The following RSU1 variants were observed in gnomAD, a reference collection of about 807,000 sequenced individuals.
RSU1 encodes Ras suppressor protein 1.
Under a neutral mutation model 31.1 loss-of-function variants are expected in RSU1, and 26 were observed. The observed-to-expected ratio is 0.84, with a 90% CI of 0.61 to 1.16. RSU1 has a LOEUF of 1.16. RSU1 is among the 50% of genes most tolerant of loss of function. RSU1 has a pLI of 0.00. For synonymous variants in RSU1, 164 were observed against 136.3 expected (o/e 1.20, Z -1.41); for missense variants, 320 against 339.1 (o/e 0.94, Z 0.44).
At chr10:16,633,246 T>A (rs977316585) in intron 8 of RSU1, among the ~76,000 whole-genome samples, 1 of 152,104 alleles carries the variant, frequency 6.6e-6, no homozygotes, top group Non-Finnish European at 1.5e-5. Flanking sequence ...CTGGGAGTCA[T>A]TGCTTTAGAG....
intron 7 of RSU1, among the ~76,000 whole-genome samples, chr10:16,728,807 G>T (rs1017383897): frequency 8.5e-5 from 13 of 152,174 alleles, no homozygotes; most frequent in African/African-American, 2.9e-4. Flanking sequence ...GATGTGGTAG[G>T]TTCTGAGGAT....
At chr10:16,677,568 T>A (rs1306858920) in intron 8 of RSU1, among the ~76,000 whole-genome samples, 1 of 152,182 alleles carries the variant, frequency 6.6e-6, no homozygotes, top group Non-Finnish European at 1.5e-5. Context: ...CATGCATGTG[T>A]ACAGTGGCCT....
chr10:16,659,914 CT>C (rs1270168607), intron 8 of RSU1, among the ~76,000 whole-genome samples: 3 of 152,188 alleles, frequency 2.0e-5, no homozygotes, highest in South Asian at 2.1e-4. Flanking sequence ...TTCCAATGTT[CT>C]AGCGTTCTGA....
chr10:16,595,689 CAGA>C (rs972830728), intron 8 of RSU1, among the ~76,000 whole-genome samples: 5 of 152,186 alleles, frequency 3.3e-5, no homozygotes, highest in African/African-American at 9.6e-5. Context: ...TCTGAAGCCA[CAGA>C]AGAAGAAACA....
rs1207709930 is a variant in RSU1 at position 16,593,406 on chromosome 10, G to A, written c.822C>T (p.Ala274=). ...GCCAATCCCTTCCTTATCTGTTCTT[G>A]GCTGCCAGGGGTTTCCGGCTGATCT... The part of the protein sequence containing the change: ...SKKISRKPLA[A]KNR Residue 274 remains alanine, a synonymous_variant, in exon 9 of 9, where the codon GCC becomes GCT. Transcript: ENST00000345264. 1 of 1,614,008 alleles carries A rather than the reference G, an allele frequency of 6.2e-7. No individual in the cohort carries two copies. The highest frequency in any genetic ancestry group is 8.5e-7 in the Non-Finnish European group (1 of 1,179,994).
chr10:16,621,514 T>C (rs147516348), intron 8 of RSU1, among the ~76,000 whole-genome samples: 33 of 152,334 alleles, frequency 2.2e-4, no homozygotes, highest in Middle Eastern at 3.4e-3. Flanking sequence ...ATTAGTCTGT[T>C]CTCACACTGC....
intron 7 of RSU1, among the ~76,000 whole-genome samples, chr10:16,750,195 T>A (rs193289891): frequency 0.015 from 2,334 of 152,196 alleles, 19 homozygotes; most frequent in Non-Finnish European, 0.021. Flanking sequence ...CTTGACTTTT[T>A]AAAAAAAATC....
intron 8 of RSU1, among the ~76,000 whole-genome samples, chr10:16,672,976 C>A (rs538180962): frequency 6.6e-6 from 1 of 152,338 alleles, no homozygotes; most frequent in East Asian, 1.9e-4. Context: ...GGCTTGAACC[C>A]AGGCAGCCTG....
chr10:16,707,181 T>G (rs1020437340), intron 7 of RSU1, among the ~76,000 whole-genome samples: 1 of 152,256 alleles, frequency 6.6e-6, no homozygotes, highest in Non-Finnish European at 1.5e-5. Context: ...TCTTAGTTAT[T>G]GTAAACAGTG....
intron 8 of RSU1, among the ~76,000 whole-genome samples, chr10:16,644,457 C>A (rs538129734): frequency 6.6e-6 from 1 of 152,300 alleles, no homozygotes; most frequent in African/African-American, 2.4e-5. Context: ...TTTTTCTGCA[C>A]TATCTTATTA....
intron 7 of RSU1, among the ~76,000 whole-genome samples, chr10:16,737,152 TG>T (rs1345969209): frequency 1.3e-5 from 2 of 150,490 alleles, no homozygotes; most frequent in East Asian, 3.9e-4. Flanking sequence ...GAGAGAGAGA[TG>T]GGAAATCAAT....
intron 8 of RSU1, among the ~76,000 whole-genome samples, chr10:16,648,830 T>A (rs1834626770): frequency 6.6e-6 from 1 of 151,988 alleles, no homozygotes; most frequent in Admixed American, 6.6e-5. Flanking sequence ...GCTTTACTAT[T>A]AAGAACAGGA....
At chr10:16,635,751 C>T (rs561520518) in intron 8 of RSU1, among the ~76,000 whole-genome samples, 1 of 152,372 alleles carries the variant, frequency 6.6e-6, no homozygotes, top group Non-Finnish European at 1.5e-5. Flanking sequence ...TTTGCCTTCA[C>T]TTGGAATAAA....
At position 16,591,635 on chromosome 10, in the gene RSU1, C is replaced by A. The variant is rs1833505942; in HGVS notation, c.*1759G>T. 2 of 152,076 alleles carry A rather than the reference C, an allele frequency of 1.3e-5. No individual in the cohort carries two copies. The highest frequency in any genetic ancestry group is 2.9e-5 in the Non-Finnish European group (2 of 68,010). 9.4% of individuals were successfully genotyped at this position (152,076 alleles called of 1,614,324 possible). A position where few individuals can be genotyped will look rare whatever the true frequency, so the allele number is the denominator to read the frequency against. ...CTTTTTAAAAATATTACCAGTGAGT[C>A]TTCGATGATTGCTTCATGTTTCTGG... On this transcript the variant is annotated 3_prime_UTR_variant, in exon 9 of 9. Transcript: ENST00000345264.
At chr10:16,613,576 C>T (rs1833928181) in intron 8 of RSU1, among the ~76,000 whole-genome samples, 1 of 152,176 alleles carries the variant, frequency 6.6e-6, no homozygotes, top group African/African-American at 2.4e-5. Context: ...ACAAAAATGA[C>T]ACTGGCAGAC....
intron 7 of RSU1, among the ~76,000 whole-genome samples, chr10:16,729,764 G>T (rs7909091): frequency 0.59 from 90,020 of 152,052 alleles, 28,068 homozygotes; most frequent in East Asian, 0.83. Flanking sequence ...TGATCATCCC[G>T]CCCTCTCCTC....
At chr10:16,621,519 C>T (rs1167376137) in intron 8 of RSU1, among the ~76,000 whole-genome samples, 2 of 152,124 alleles carry the variant, frequency 1.3e-5, no homozygotes, top group African/African-American at 2.4e-5. Flanking sequence ...TCTGTTCTCA[C>T]ACTGCTAAGA....
chr10:16,764,629 GAATTCA>G, intron 3 of RSU1, 119 bp from the exon 4 acceptor site: 1 of 1,022,200 alleles, frequency 9.8e-7, no homozygotes, highest in Non-Finnish European at 1.4e-6. Context: ...AAGGGCCATC[GAATTCA>G]CCTACCGGTC....
At chr10:16,687,840 C>G (rs938183931) in intron 8 of RSU1, among the ~76,000 whole-genome samples, 3 of 152,118 alleles carry the variant, frequency 2.0e-5, no homozygotes, top group Admixed American at 2.0e-4. Context: ...CCACCTCAGC[C>G]ACCCAAGTAG....
Sources: gnomAD v4.1 joint callset for allele counts (sites outside exome capture counted in the v4.1 genomes callset) on GRCh38, gnomAD v4.1.1 for gene constraint, MANE v1.5 for transcripts, NCBI Gene and HGNC (gene_info 2026-07-23, HGNC 2026-07-21) for gene names.